Variants in FAM171A1 observed in about 807,000 individuals in gnomAD.
The protein encoded by FAM171A1 is family with sequence similarity 171 member A1, also known as protein FAM171A1.
A neutral mutation model predicts 74.9 loss-of-function variants in FAM171A1; 23 were observed. The ratio of observed to expected loss-of-function variants is 0.31; its 90% CI spans 0.22 to 0.44. The LOEUF (loss-of-function observed/expected upper bound fraction) is 0.44, where lower values mean the gene tolerates loss of function less well. Among genes scored for constraint, FAM171A1 ranks in the 20% least tolerant of loss-of-function variants. FAM171A1 has a pLI of 1.00. For missense variants in FAM171A1, 1,162 were observed against 1,159.2 expected, an observed-to-expected ratio of 1.00 and a Z score of -0.03; for synonymous variants, 527 against 505.7, an observed-to-expected ratio of 1.04 and a Z score of -0.57.
At chr10:15,238,066 G>A (rs894948654) in intron 5 of FAM171A1, among the ~76,000 whole-genome samples, 4 of 152,046 alleles carry the variant, frequency 2.6e-5, no homozygotes, top group Non-Finnish European at 2.9e-5. Flanking sequence ...CTAAAATCAC[G>A]TCACACATCT....
intron 2 of FAM171A1, among the ~76,000 whole-genome samples, 165 bp downstream of exon 2, chr10:15,283,713 T>C (rs141418936): frequency 1.9e-3 from 296 of 152,274 alleles, no homozygotes; most frequent in African/African-American, 6.8e-3. Context: ...ACCTCTTGAG[T>C]AGCTGGGACT....
chr10:15,254,089 A>G (rs1241074567), intron 4 of FAM171A1, among the ~76,000 whole-genome samples: 2 of 152,222 alleles, frequency 1.3e-5, no homozygotes, highest in African/African-American at 2.4e-5. Context: ...TGGCCACTCT[A>G]TGCCCAGTTG....
intron 5 of FAM171A1, among the ~76,000 whole-genome samples, chr10:15,229,888 CCAT>C (rs1564617027): frequency 1.2e-4 from 9 of 76,080 alleles, no homozygotes; most frequent in African/African-American, 4.6e-4. Flanking sequence ...ACCATCACCA[CCAT>C]CACCATCATC....
chr10:15,361,480 C>T (rs570097877), intron 1 of FAM171A1, among the ~76,000 whole-genome samples: 1 of 152,140 alleles, frequency 6.6e-6, no homozygotes, highest in African/African-American at 2.4e-5. Context: ...GTCAGAAGTT[C>T]GAGACCAGCC....
At chr10:15,333,633 G>A (rs1835667395) in intron 1 of FAM171A1, among the ~76,000 whole-genome samples, 1 of 152,106 alleles carries the variant, frequency 6.6e-6, no homozygotes, top group Non-Finnish European at 1.5e-5. Flanking sequence ...TTCAAGACCA[G>A]CCTGGCCAAC....
At chr10:15,265,108 T>C (rs1834721354) in intron 3 of FAM171A1, among the ~76,000 whole-genome samples, 1 of 152,140 alleles carries the variant, frequency 6.6e-6, no homozygotes, top group Non-Finnish European at 1.5e-5. Flanking sequence ...GTGCAGCCAG[T>C]TTCTGGTTAT....
intron 5 of FAM171A1, among the ~76,000 whole-genome samples, chr10:15,223,730 C>G (rs1474533147): frequency 6.6e-6 from 1 of 152,112 alleles, no homozygotes; most frequent in African/African-American, 2.4e-5. Context: ...AAAACCCCGT[C>G]TCTACTAAAA....
intron 2 of FAM171A1, among the ~76,000 whole-genome samples, chr10:15,281,092 T>C (rs2131806082): frequency 6.6e-6 from 1 of 152,278 alleles, no homozygotes; most frequent in Middle Eastern, 3.4e-3. Flanking sequence ...TCACGAGACC[T>C]GGTTGTTTCA....
chr10:15,322,184 C>T (rs1232753693), intron 1 of FAM171A1, among the ~76,000 whole-genome samples: 3 of 152,184 alleles, frequency 2.0e-5, no homozygotes, highest in Middle Eastern at 3.2e-3. Flanking sequence ...AAACAGCTTT[C>T]TGAAATTGTT....
intron 1 of FAM171A1, among the ~76,000 whole-genome samples, chr10:15,297,121 G>A (rs183272093): frequency 1.6e-3 from 242 of 151,112 alleles, no homozygotes; most frequent in African/African-American, 5.6e-3. Flanking sequence ...GCAGAGACAC[G>A]ACCTTGGCTC....
chr10:15,234,417 C>T (rs1208652820), intron 5 of FAM171A1, among the ~76,000 whole-genome samples: 1 of 152,154 alleles, frequency 6.6e-6, no homozygotes, highest in Non-Finnish European at 1.5e-5. Context: ...AACGCACAAG[C>T]AAAGCAGCCA....
At position 15,219,669 on chromosome 10, in the gene FAM171A1, C is replaced by A. The variant is rs191672443; in HGVS notation, c.871+1275G>T. Among the ~76,000 whole-genome samples the A allele has an allele frequency of 2.9e-3, 443 of 152,296 alleles. 2 individuals are homozygous for A. The highest frequency in any genetic ancestry group is 9.8e-3 in the African/African-American group (408 of 41,556). ...CAATCTCGGCTCACTGCAACCTCTG[C>A]CTCCTGGGTTCAAGCGATTCTCCTG... On this transcript the variant is annotated intron_variant, in intron 6 of 7. Coordinates refer to ENST00000378116, the MANE Select transcript of FAM171A1 (RefSeq NM_001010924.2).
chr10:15,250,203 G>A (rs779086305), intron 4 of FAM171A1, among the ~76,000 whole-genome samples: 1 of 152,142 alleles, frequency 6.6e-6, no homozygotes, highest in African/African-American at 2.4e-5. Flanking sequence ...TGAAGGCAAA[G>A]GTGTGGGAAT....
chr10:15,313,711 G>A (rs111562401), intron 1 of FAM171A1, among the ~76,000 whole-genome samples: 3 of 152,154 alleles, frequency 2.0e-5, no homozygotes, highest in Admixed American at 1.3e-4. Context: ...TAAACATCCC[G>A]AGGGTGAAGG....
At position 15,213,177 on chromosome 10, in the gene FAM171A1, G is replaced by A. The variant is rs750164819; in HGVS notation, c.2411C>T (p.Thr804Met). 6 of 1,614,088 alleles carry A rather than the reference G, an allele frequency of 3.7e-6. No homozygotes were observed. Among genetic ancestry groups the A allele is most frequent in the African/African-American group, 1.3e-5 (1 of 75,030 alleles). Reference sequence around the variant, plus strand: ...GGCACTGTCCTCGGGGGTACAGACCGTGGTCCCACATTCGCTACCACTCTG... The same window carrying A: ...GGCACTGTCCTCGGGGGTACAGACCATGGTCCCACATTCGCTACCACTCTG... Reference protein sequence around the residue: ...VEQSGSECGTTVCTPEDSALR... With the variant: ...VEQSGSECGTMVCTPEDSALR... Residue 804 changes from threonine to methionine, a missense_variant, in exon 8 of 8, where the codon ACG becomes ATG. Coordinates refer to ENST00000378116, the MANE Select transcript of FAM171A1 (RefSeq NM_001010924.2). The surrounding 1 kb of genome is among the most constrained non-coding windows in gnomAD (Gnocchi z 6.8).
At chr10:15,256,423 TA>T (rs1192763793) in intron 3 of FAM171A1, among the ~76,000 whole-genome samples, 3 of 152,136 alleles carry the variant, frequency 2.0e-5, no homozygotes, top group Non-Finnish European at 4.4e-5. Flanking sequence ...CTCTTCCTTT[TA>T]AAAACTAGCA....
At chr10:15,274,624 G>A (rs1190234180) in intron 3 of FAM171A1, among the ~76,000 whole-genome samples, 4 of 152,182 alleles carry the variant, frequency 2.6e-5, no homozygotes, top group African/African-American at 9.7e-5. Context: ...CACGCTACCT[G>A]ACTTCAAACT....
chr10:15,251,659 G>A (rs1471382244), intron 4 of FAM171A1, among the ~76,000 whole-genome samples: 1 of 151,814 alleles, frequency 6.6e-6, no homozygotes, highest in African/African-American at 2.4e-5. Flanking sequence ...TGATCCACCC[G>A]CCTCGGCCTC....
intron 1 of FAM171A1, among the ~76,000 whole-genome samples, chr10:15,333,858 T>TA (rs71390032): frequency 0.29 from 43,492 of 148,844 alleles, 6,260 homozygotes; most frequent in Non-Finnish European, 0.31. Flanking sequence ...AAAAGAATAC[T>TA]AAAAAAAAAA....
Sources: gnomAD v4.1 joint callset for allele counts (sites outside exome capture counted in the v4.1 genomes callset) on GRCh38, gnomAD v4.1.1 for gene constraint, Gnocchi (gnomAD v3.1) non-coding constraint, MANE v1.5 for transcripts, NCBI Gene and HGNC (gene_info 2026-07-23, HGNC 2026-07-21) for gene names.